Variants in UTRN observed in about 807,000 individuals in gnomAD.
UTRN encodes utrophin, also known as dystrophin-related protein 1.
A neutral mutation model predicts 463.9 loss-of-function variants in UTRN; 283 were observed. That is an observed-to-expected ratio of 0.61 (90% CI 0.55 to 0.67). The LOEUF (loss-of-function observed/expected upper bound fraction) is 0.67. Among genes scored for constraint, UTRN ranks in the 30% least tolerant of loss-of-function variants. UTRN has a pLI of 0.00. For missense variants in UTRN, 3,922 were observed against 4,084.3 expected (o/e 0.96, Z 1.08); for synonymous variants, 1,442 against 1,431.5 (o/e 1.01, Z -0.17).
intron 50 of UTRN, among the ~76,000 whole-genome samples, chr6:144,559,008 G>A (rs554149107): frequency 6.6e-6 from 1 of 152,016 alleles, no homozygotes; most frequent in African/African-American, 2.4e-5. Flanking sequence ...AAAATTCCAT[G>A]TATAAGAGTT....
intron 2 of UTRN, among the ~76,000 whole-genome samples, chr6:144,298,165 A>G (rs994442107): frequency 5.9e-5 from 9 of 151,842 alleles, no homozygotes; most frequent in African/African-American, 2.2e-4. Context: ...ACTATGTTAT[A>G]TTTTTATCTT....
intron 46 of UTRN, among the ~76,000 whole-genome samples, chr6:144,546,492 G>A (rs189051230): frequency 6.6e-6 from 1 of 152,192 alleles, no homozygotes; most frequent in African/African-American, 2.4e-5. Flanking sequence ...AACAAAAATA[G>A]CATGTTTTTG....
intron 23 of UTRN, among the ~76,000 whole-genome samples, chr6:144,472,737 G>A (rs568089766): frequency 1.3e-5 from 2 of 151,298 alleles, no homozygotes; most frequent in East Asian, 3.9e-4. Flanking sequence ...TGGTATTGGA[G>A]CTCAAAAGCT....
chr6:144,518,361 G>A (rs1284653600), intron 39 of UTRN, among the ~76,000 whole-genome samples: 1 of 152,176 alleles, frequency 6.6e-6, no homozygotes, highest in Middle Eastern at 3.2e-3. Context: ...GACATACAAA[G>A]TCTTCAGTCT....
chr6:144,351,629 C>T (rs1374744188), intron 2 of UTRN, among the ~76,000 whole-genome samples: 5 of 152,190 alleles, frequency 3.3e-5, no homozygotes, highest in Non-Finnish European at 2.9e-5. Context: ...GAAAAGGGCA[C>T]GCAGCCGCCT....
At chr6:144,766,896 GAAAT>G (rs1232300678) in intron 58 of UTRN, among the ~76,000 whole-genome samples, 1 of 152,164 alleles carries the variant, frequency 6.6e-6, no homozygotes, top group Admixed American at 6.6e-5. Context: ...AAATTTTTAA[GAAAT>G]CATTGGGAAG....
intron 53 of UTRN, 52 bp downstream of exon 53, chr6:144,700,295 A>T: frequency 1.3e-6 from 2 of 1,513,358 alleles, no homozygotes; most frequent in Non-Finnish European, 8.9e-7. Flanking sequence ...AGTGAGGTAG[A>T]TATTTGAAAT....
intron 51 of UTRN, among the ~76,000 whole-genome samples, chr6:144,597,010 G>A (rs1278637423): frequency 6.6e-6 from 1 of 152,130 alleles, no homozygotes; most frequent in Non-Finnish European, 1.5e-5. Context: ...AGGCCAAGGT[G>A]GACAGATCAT....
In UTRN at chr6:144,286,128, T is replaced by A. The variant is rs889182115; in HGVS notation, c.-93+307T>A. Among the ~76,000 whole-genome samples the A allele has an allele frequency of 2.0e-5, 3 of 152,222 alleles. No homozygotes were observed. The South Asian group carries it at 6.2e-4, about 31-fold the overall frequency. On this transcript the variant is annotated intron_variant, in intron 1 of 74. Transcript: ENST00000367545. The surrounding 1 kb of genome is among the most constrained non-coding windows in gnomAD (Gnocchi z 4.4). ...CAAACTTATCTGACCAGCTCTGTGC[T>A]GCCTCCCTGCTCCCCTAATCTTCCT...
At chr6:144,661,631 G>T (rs1268525380) in intron 51 of UTRN, among the ~76,000 whole-genome samples, 6 of 152,148 alleles carry the variant, frequency 3.9e-5, no homozygotes, top group African/African-American at 1.4e-4. Flanking sequence ...ACCATAAAGA[G>T]GTCTGTTAGC....
chr6:144,350,035 A>T (rs949414219), intron 2 of UTRN, among the ~76,000 whole-genome samples: 9 of 152,200 alleles, frequency 5.9e-5, no homozygotes, highest in Non-Finnish European at 1.2e-4. Flanking sequence ...TGCTAAAGTG[A>T]AATTTTAGTC....
intron 2 of UTRN, among the ~76,000 whole-genome samples, chr6:144,387,035 G>T (rs1429945518): frequency 6.6e-6 from 1 of 152,082 alleles, no homozygotes; most frequent in Non-Finnish European, 1.5e-5. Context: ...TTCTTTTTCT[G>T]AAAGTGAGTA....
intron 2 of UTRN, among the ~76,000 whole-genome samples, chr6:144,370,104 G>C (rs1779849508): frequency 6.6e-6 from 1 of 152,184 alleles, no homozygotes; most frequent in Non-Finnish European, 1.5e-5. Context: ...TTTGGAACTG[G>C]GTAACAGGCA....
rs756325340 is a variant in UTRN, at chr6:144,461,243, A to C, written c.2754A>C (p.Thr918=). 10 of 1,610,014 alleles carry C rather than the reference A, an allele frequency of 6.2e-6. No homozygotes were observed. The highest frequency in any genetic ancestry group is 8.5e-6 in the Non-Finnish European group (10 of 1,177,532). ...ATGCATATCTGGAAACATTGAAAAC[A>C]CTGAAAGATGTGCTAAATGATTCAG... ...PGHAYLETLK[T]LKDVLNDSEN... is the part of the protein sequence containing the mutation. The change falls in exon 22 of 75, where the codon ACA becomes ACC. Residue 918 remains threonine, a synonymous_variant. Transcript: ENST00000367545.
At chr6:144,333,036 C>A (rs1227517110) in intron 2 of UTRN, among the ~76,000 whole-genome samples, 1 of 151,870 alleles carries the variant, frequency 6.6e-6, no homozygotes, top group African/African-American at 2.4e-5. Context: ...CGGATTCCAG[C>A]CAATTCTCCT....
chr6:144,423,056 T>C (rs1373616507), intron 4 of UTRN, among the ~76,000 whole-genome samples: 1 of 152,192 alleles, frequency 6.6e-6, no homozygotes, highest in African/African-American at 2.4e-5. Flanking sequence ...GGATGGTGCC[T>C]CTGAATCCTC....
In UTRN at chr6:144,447,500, T is replaced by A. The variant is rs1787814726; in HGVS notation, c.1723-102T>A. Reference sequence around the variant, plus strand: ...TTAGCATAGTGAACTGCAAAGCATGTACATTTTACTATAAAAGATACATGT... The same window carrying A: ...TTAGCATAGTGAACTGCAAAGCATGAACATTTTACTATAAAAGATACATGT... On this transcript the variant is annotated intron_variant, in intron 15 of 74. Coordinates refer to ENST00000367545, the MANE Select transcript of UTRN (RefSeq NM_007124.3). 3.5e-6 allele frequency: 5 copies of A among 1,417,106 alleles called. No individual in the cohort carries two copies. The African/African-American group carries it at 4.4e-5, about 12-fold the overall frequency. The allele number at this position is 1,417,106 out of a possible 1,614,324, so 87.8% of individuals were successfully genotyped here.
intron 51 of UTRN, among the ~76,000 whole-genome samples, chr6:144,631,305 C>G (rs1007030521): frequency 2.0e-5 from 3 of 150,770 alleles, no homozygotes; most frequent in African/African-American, 7.3e-5. Context: ...GGAACTATTC[C>G]TAAGTAACCT....
chr6:144,802,885 T>C (rs1279799952), intron 64 of UTRN, 151 bp from the exon 65 acceptor site: 2 of 427,604 alleles, frequency 4.7e-6, no homozygotes, highest in East Asian at 3.6e-5. Context: ...CTCCCTCTCA[T>C]GTATAAACAG....
Sources: allele counts gnomAD v4.1 joint callset (sites outside exome capture counted in the v4.1 genomes callset), GRCh38; gene constraint gnomAD v4.1.1; non-coding constraint Gnocchi (gnomAD v3.1); transcripts MANE v1.5; gene names NCBI Gene and HGNC (gene_info 2026-07-23, HGNC 2026-07-21).